DOP1B: variants seen among roughly 807,000 people sequenced by gnomAD.
DOP1B encodes DOP1 leucine zipper like protein B.
A neutral mutation model predicts 233.5 loss-of-function variants in DOP1B; 174 were observed. The observed-to-expected ratio is 0.75, with a 90% CI of 0.66 to 0.85. The LOEUF is 0.85. Among genes scored for constraint, DOP1B ranks in the 40% least tolerant of loss-of-function variants. The pLI is 0.00. For synonymous variants in DOP1B, 1,190 were observed against 1,185.6 expected (o/e 1.00, Z -0.08); for missense variants, 2,652 against 2,846.6 (o/e 0.93, Z 1.56).
intron 4 of DOP1B, among the ~76,000 whole-genome samples, chr21:36,202,466 C>T (rs2066379716): frequency 6.6e-6 from 1 of 152,134 alleles, no homozygotes; most frequent in Admixed American, 6.6e-5. Context: ...GTGGTGTCAG[C>T]TGTGACTGAG....
chr21:36,247,954 C>A (rs1468589214), intron 20 of DOP1B, among the ~76,000 whole-genome samples: 2 of 152,238 alleles, frequency 1.3e-5, no homozygotes, highest in East Asian at 3.8e-4. Context: ...CCCATTGTTC[C>A]ATCAGTAGCC....
intron 32 of DOP1B, among the ~76,000 whole-genome samples, chr21:36,283,509 A>T (rs2067443029): frequency 6.6e-6 from 1 of 152,200 alleles, no homozygotes; most frequent in Non-Finnish European, 1.5e-5. Context: ...TGCACATAAG[A>T]TTTTTACCTT....
chr21:36,213,921 G>A (rs1381252421), intron 7 of DOP1B, among the ~76,000 whole-genome samples, 160 bp from the exon 8 acceptor site: 2 of 152,076 alleles, frequency 1.3e-5, no homozygotes, highest in East Asian at 1.9e-4. Context: ...CCACACCACT[G>A]TCAGAAGAAG....
At chr21:36,163,780 G>A (rs1307044020) in intron 1 of DOP1B, among the ~76,000 whole-genome samples, 1 of 152,228 alleles carries the variant, frequency 6.6e-6, no homozygotes, top group East Asian at 1.9e-4. Flanking sequence ...AGACATTACA[G>A]CATCCGGGGT....
At chr21:36,158,100 T>C (rs1254777774) in intron 1 of DOP1B, among the ~76,000 whole-genome samples, 1 of 152,116 alleles carries the variant, frequency 6.6e-6, no homozygotes, top group Non-Finnish European at 1.5e-5. Flanking sequence ...TGCCCAACCC[T>C]GAATTTGATT....
At position 36,245,109 on chromosome 21, in the gene DOP1B, C is replaced by T. The variant is rs373495735; in HGVS notation, c.3129C>T (p.Pro1043=). The T allele has an allele frequency of 1.9e-5, 31 of 1,612,944 alleles. No individual in the cohort carries two copies. Among genetic ancestry groups the T allele is most frequent in the Admixed American group, 1.3e-4 (8 of 59,952 alleles). ...KTSFREACAV[P]EPQESGSEEH... The stretch of plus-strand genomic sequence containing the variant: ...CTTTCAGAGAGGCATGCGCAGTGCC[C>T]GAGCCTCAGGAGAGCGGCTCTGAAG... The change falls in exon 19 of 37, where the codon CCC becomes CCT. Residue 1043 remains proline, a synonymous_variant. Transcript: ENST00000691173. This position sits in a 1 kb window ranked among gnomAD's most constrained non-coding sequence, Gnocchi z 5.5.
chr21:36,157,595 G>A (rs1184757708), intron 1 of DOP1B, among the ~76,000 whole-genome samples: 2 of 151,770 alleles, frequency 1.3e-5, no homozygotes, highest in Non-Finnish European at 1.5e-5. Context: ...GGATTTTTTT[G>A]GTAAGGCGAG....
intron 2 of DOP1B, among the ~76,000 whole-genome samples, chr21:36,190,004 C>T (rs941376356): frequency 2.0e-4 from 21 of 103,402 alleles, no homozygotes; most frequent in African/African-American, 8.7e-4. Flanking sequence ...AGCGATACTC[C>T]GTCTCAAAAA....
At chr21:36,204,473 C>T (rs548144491) in intron 4 of DOP1B, among the ~76,000 whole-genome samples, 3 of 152,106 alleles carry the variant, frequency 2.0e-5, no homozygotes, top group African/African-American at 7.2e-5. Flanking sequence ...TGAGCACTTG[C>T]GACGTGCATG....
chr21:36,235,611 C>G (rs1028857547), intron 15 of DOP1B, among the ~76,000 whole-genome samples: 2 of 151,842 alleles, frequency 1.3e-5, no homozygotes, highest in Admixed American at 1.3e-4. Context: ...ACCTGTAGTC[C>G]CAGCTACTTG....
At chr21:36,178,022 C>T (rs571089207) in intron 2 of DOP1B, among the ~76,000 whole-genome samples, 3 of 152,220 alleles carry the variant, frequency 2.0e-5, no homozygotes, top group African/African-American at 7.2e-5. Flanking sequence ...CATGTCACGC[C>T]TTGGTGTGGA....
chr21:36,200,801 C>T (rs2066355341), intron 4 of DOP1B, among the ~76,000 whole-genome samples: 1 of 151,618 alleles, frequency 6.6e-6, no homozygotes, highest in Non-Finnish European at 1.5e-5. Context: ...CGAGATCGCA[C>T]CACTGCACTC....
intron 4 of DOP1B, among the ~76,000 whole-genome samples, chr21:36,200,871 G>A (rs1389442918): frequency 6.6e-6 from 1 of 151,654 alleles, no homozygotes; most frequent in East Asian, 1.9e-4. Context: ...GGAAGGAAGT[G>A]CAGAGACATG....
chr21:36,162,947 G>A (rs2065881066), intron 1 of DOP1B, among the ~76,000 whole-genome samples: 1 of 152,116 alleles, frequency 6.6e-6, no homozygotes, highest in Non-Finnish European at 1.5e-5. Flanking sequence ...GGAGTGTGTG[G>A]GCCAAGTGGA....
chr21:36,283,606 A>G (rs886685872), intron 32 of DOP1B, among the ~76,000 whole-genome samples: 4 of 152,164 alleles, frequency 2.6e-5, no homozygotes, highest in African/African-American at 7.2e-5. Context: ...AATAACTGTG[A>G]TAGGAGGATG....
rs1349993384 is a variant in DOP1B at position 36,281,578 on chromosome 21, GATCA to G, written c.6130_6133del (p.Gln2044ThrfsTer7). On this transcript the variant is annotated frameshift_variant, in exon 32 of 37. Transcript: ENST00000691173. LOFTEE classifies it high-confidence loss of function. ...TTTTGCTGTCTTCAGTGGAGAACTT[GATCA>G]ATACCACCTTTACCTTCCACTGATA... The G allele has an allele frequency of 2.4e-5, 38 of 1,606,504 alleles. No homozygotes were observed. Among genetic ancestry groups the G allele is most frequent in the Non-Finnish European group, 2.9e-5 (34 of 1,173,856 alleles).
chr21:36,246,130 C>T lies in DOP1B; in HGVS notation c.4150C>T (p.Gln1384Ter), dbSNP rs2066960733. The T allele has an allele frequency of 9.3e-6, 15 of 1,614,070 alleles. 1 individual carries two copies. The highest frequency in any genetic ancestry group is 1.2e-5 in the Non-Finnish European group (14 of 1,180,036). Reference sequence around the variant, plus strand: ...CAGCTTGCTGCAGAGGTGCAAAGTTCAGGAGTTTGTCCTGCTCTCCCTGTC... The same window carrying T: ...CAGCTTGCTGCAGAGGTGCAAAGTTTAGGAGTTTGTCCTGCTCTCCCTGTC... ...IHSLLQRCKV[Q>*]EFVLLSLSAS... The change falls in exon 19 of 37, where the codon CAG (glutamine) becomes TAG (stop). Residue 1384 changes from glutamine (Q) to a stop codon, truncating the protein, a stop_gained. Transcript: ENST00000691173. LOFTEE classifies it high-confidence loss of function. This position sits in a 1 kb window ranked among gnomAD's most constrained non-coding sequence, Gnocchi z 5.1.
intron 2 of DOP1B, among the ~76,000 whole-genome samples, chr21:36,168,538 G>GT (rs57031913): frequency 0.057 from 8,199 of 145,094 alleles, 491 homozygotes; most frequent in African/African-American, 0.16. Context: ...TTATTTTCAA[G>GT]TTTTTTTTTT....
At chr21:36,195,950 G>A (rs1205616915) in intron 2 of DOP1B, among the ~76,000 whole-genome samples, 2 of 152,222 alleles carry the variant, frequency 1.3e-5, no homozygotes, top group African/African-American at 4.8e-5. Context: ...TAAGCTATGA[G>A]TTGGCTTTGA....
Sources: allele counts gnomAD v4.1 joint callset (sites outside exome capture counted in the v4.1 genomes callset), GRCh38; gene constraint gnomAD v4.1.1; non-coding constraint Gnocchi (gnomAD v3.1); transcripts MANE v1.5; gene names NCBI Gene and HGNC (gene_info 2026-07-23, HGNC 2026-07-21).